Variants in KAZN observed in about 807,000 individuals in gnomAD.
KAZN encodes the protein kazrin.
KAZN carries 40 observed loss-of-function variants against 87.4 expected under a neutral mutation model. That is an observed-to-expected ratio of 0.46 (90% confidence interval 0.36 to 0.60). KAZN has a LOEUF of 0.60. Ranked by LOEUF, KAZN falls within the 20% of genes least tolerant of loss-of-function variation. KAZN has a pLI of 0.00. For missense variants in KAZN, 898 were observed against 1,073.9 expected (o/e 0.84, Z 2.29); for synonymous variants, 466 against 458.3 (o/e 1.02, Z -0.22).
intron 1 of KAZN, among the ~76,000 whole-genome samples, chr1:13,940,763 C>G (rs998790874): frequency 1.3e-5 from 2 of 152,160 alleles, no homozygotes; most frequent in Non-Finnish European, 2.9e-5. Context: ...GCTACCCTTA[C>G]TGGGACATTG....
chr1:14,862,412 C>T (rs1187454552), intron 1 of KAZN, among the ~76,000 whole-genome samples: 5 of 152,104 alleles, frequency 3.3e-5, no homozygotes. Flanking sequence ...AGGAGTTTCC[C>T]ATCCCAGTGC....
At chr1:14,607,072 C>A (rs1185895376) in intron 1 of KAZN, among the ~76,000 whole-genome samples, 1 of 152,108 alleles carries the variant, frequency 6.6e-6, no homozygotes, top group Non-Finnish European at 1.5e-5. Context: ...TCAGTAAATA[C>A]TTGCTGAATG....
intron 2 of KAZN, among the ~76,000 whole-genome samples, chr1:15,020,882 G>C (rs1457703851): frequency 3.3e-5 from 5 of 152,182 alleles, no homozygotes; most frequent in Non-Finnish European, 5.9e-5. Flanking sequence ...CGGCAGAGCT[G>C]GATGTGAACC....
At chr1:13,971,100 C>A (rs1338510067) in intron 1 of KAZN, among the ~76,000 whole-genome samples, 1 of 152,152 alleles carries the variant, frequency 6.6e-6, no homozygotes, top group African/African-American at 2.4e-5. Flanking sequence ...TGGGAGTTGG[C>A]TGGCTGGTGT....
At chr1:14,308,195 GA>G (rs960429300) in intron 2 of KAZN, among the ~76,000 whole-genome samples, 4 of 151,632 alleles carry the variant, frequency 2.6e-5, no homozygotes, top group Non-Finnish European at 4.4e-5. Context: ...TGAACCAGGG[GA>G]AAAAAAATAG....
At chr1:13,927,251 CA>C (rs2100922043) in intron 1 of KAZN, among the ~76,000 whole-genome samples, 1 of 152,250 alleles carries the variant, frequency 6.6e-6, no homozygotes, top group African/African-American at 2.4e-5. Context: ...GGTCCTAGTG[CA>C]GTTGGAGAAG....
At chr1:14,544,956 C>T in intron 2 of KAZN, among the ~76,000 whole-genome samples, 1 of 152,124 alleles carries the variant, frequency 6.6e-6, no homozygotes, top group East Asian at 1.9e-4. Flanking sequence ...GTCTCCCTCC[C>T]ACCACACAGA....
chr1:14,964,218 C>T (rs1664196920), intron 2 of KAZN, among the ~76,000 whole-genome samples: 1 of 152,124 alleles, frequency 6.6e-6, no homozygotes, highest in African/African-American at 2.4e-5. Context: ...CCTCCCTGCC[C>T]CATGATTCCT....
intron 2 of KAZN, among the ~76,000 whole-genome samples, chr1:14,316,472 C>T (rs986912169): frequency 1.3e-5 from 2 of 151,892 alleles, no homozygotes; most frequent in Non-Finnish European, 2.9e-5. Flanking sequence ...ATCAACCTAG[C>T]TAATGGTTTA....
intron 1 of KAZN, among the ~76,000 whole-genome samples, chr1:14,676,149 T>C (rs2148748512): frequency 6.6e-6 from 1 of 152,324 alleles, no homozygotes; most frequent in East Asian, 1.9e-4. Context: ...AAGAGCTGTT[T>C]TCCCTCCTCG....
chr1:14,014,005 G>A (rs865975054), intron 1 of KAZN, among the ~76,000 whole-genome samples: 3 of 152,188 alleles, frequency 2.0e-5, no homozygotes, highest in East Asian at 1.9e-4. Context: ...CAGGAGGAAC[G>A]GGTGTTGCTT....
chr1:13,917,100 G>A (rs1387482037), intron 1 of KAZN, among the ~76,000 whole-genome samples: 6 of 152,174 alleles, frequency 3.9e-5, no homozygotes, highest in East Asian at 1.9e-4. Flanking sequence ...GTGTGCACAC[G>A]TGCATGCATG....
intron 2 of KAZN, among the ~76,000 whole-genome samples, chr1:14,590,600 G>A (rs1314301542): frequency 6.6e-6 from 1 of 152,192 alleles, no homozygotes; most frequent in Admixed American, 6.5e-5. Context: ...TTCAGCCTGA[G>A]TTAGTAGAAA....
chr1:14,830,232 C>T (rs1647014879), intron 1 of KAZN, among the ~76,000 whole-genome samples: 5 of 152,140 alleles, frequency 3.3e-5, no homozygotes, highest in Admixed American at 3.3e-4. Context: ...ACAGGCTTTC[C>T]CTGAGCCGTA....
intron 4 of KAZN, among the ~76,000 whole-genome samples, chr1:15,052,584 GTGTGTGCA>G (rs1036506093): frequency 4.2e-4 from 64 of 152,112 alleles, no homozygotes; most frequent in Admixed American, 2.4e-3. Flanking sequence ...GCATGTGTAT[GTGTGTGCA>G]TGTGTGTATG....
intron 1 of KAZN, among the ~76,000 whole-genome samples, chr1:14,852,749 A>G (rs1649610122): frequency 1.3e-5 from 2 of 152,214 alleles, no homozygotes; most frequent in African/African-American, 4.8e-5. Context: ...AATCAGAAAT[A>G]TCACTTCTTC....
chr1:14,679,675 A>G (rs1405048404), intron 1 of KAZN, among the ~76,000 whole-genome samples: 1 of 152,094 alleles, frequency 6.6e-6, no homozygotes, highest in Non-Finnish European at 1.5e-5. Flanking sequence ...AAATCCTCAC[A>G]TTTGCCCTGT....
At chr1:14,972,778 G>A (rs1290240578) in intron 2 of KAZN, among the ~76,000 whole-genome samples, 2 of 152,154 alleles carry the variant, frequency 1.3e-5, no homozygotes, top group East Asian at 3.9e-4. Context: ...GCCTCCCAAA[G>A]TGCTGGGATT....
At chr1:14,503,343 G>T (rs1418333124) in intron 2 of KAZN, among the ~76,000 whole-genome samples, 1 of 151,260 alleles carries the variant, frequency 6.6e-6, no homozygotes, top group African/African-American at 2.4e-5. Flanking sequence ...AATTAGCCGG[G>T]CGTGGTGGCG....
Sources: allele counts gnomAD v4.1 joint callset (sites outside exome capture counted in the v4.1 genomes callset), GRCh38; gene constraint gnomAD v4.1.1; transcripts MANE v1.5; gene names NCBI Gene and HGNC (gene_info 2026-07-23, HGNC 2026-07-21).